Variants in ADAMTSL3 observed in about 807,000 individuals in gnomAD.
The protein encoded by ADAMTSL3 is ADAMTS-like protein 3.
Under a neutral mutation model 201.7 loss-of-function variants are expected in ADAMTSL3, and 128 were observed. The ratio of observed to expected loss-of-function variants is 0.63; its 90% confidence interval spans 0.55 to 0.73. The LOEUF (loss-of-function observed/expected upper bound fraction) is 0.73, where lower values mean the gene tolerates loss of function less well. Ranked by LOEUF, ADAMTSL3 falls within the 30% of genes least tolerant of loss-of-function variation. ADAMTSL3 has a pLI of 0.00. For synonymous variants in ADAMTSL3, 738 were observed against 748.4 expected (o/e 0.99, Z 0.23); for missense variants, 1,990 against 2,119.6 (o/e 0.94, Z 1.20).
chr15:83,670,895 G>A (rs1595999316), intron 2 of ADAMTSL3, among the ~76,000 whole-genome samples: 1 of 152,272 alleles, frequency 6.6e-6, no homozygotes, highest in East Asian at 1.9e-4. Flanking sequence ...TTTCCAGCAT[G>A]CTTAGTAATT....
intron 23 of ADAMTSL3, among the ~76,000 whole-genome samples, chr15:83,993,148 A>G (rs957410008): frequency 6.6e-6 from 1 of 152,220 alleles, no homozygotes; most frequent in African/African-American, 2.4e-5. Context: ...AGCCATACCT[A>G]ATGGAGTTTT....
intron 19 of ADAMTSL3, among the ~76,000 whole-genome samples, chr15:83,957,337 A>G (rs1230951810): frequency 1.3e-5 from 2 of 152,242 alleles, no homozygotes; most frequent in Admixed American, 6.5e-5. Flanking sequence ...ATTTATCCCT[A>G]CAGTCATTGA....
chr15:83,957,833 G>T (rs1246915081), intron 19 of ADAMTSL3, among the ~76,000 whole-genome samples: 5 of 152,170 alleles, frequency 3.3e-5, no homozygotes, highest in African/African-American at 1.2e-4. Flanking sequence ...CAACACATAT[G>T]TGGTAGTTGA....
rs1432748693 is a variant in ADAMTSL3 at position 83,970,474 on chromosome 15, C to T, written c.2491-10C>T. ...CTCCATTTGACTCTGTTGCACAACT[C>T]TCATTTCAGTGTTCTGTCAGTTGTG... On this transcript the variant is annotated splice_polypyrimidine_tract_variant and intron_variant, in intron 19 of 29. Coordinates refer to ENST00000286744, the MANE Select transcript of ADAMTSL3 (RefSeq NM_207517.3). 1 of 1,614,046 alleles carries T rather than the reference C, an allele frequency of 6.2e-7. No individual in the cohort carries two copies. The highest frequency in any genetic ancestry group is 1.1e-5 in the South Asian group (1 of 91,076).
chr15:83,901,155 C>T (rs928046185), intron 15 of ADAMTSL3, among the ~76,000 whole-genome samples: 4 of 152,104 alleles, frequency 2.6e-5, no homozygotes, highest in African/African-American at 9.7e-5. Context: ...GCTATGACCA[C>T]AGAAGAAACT....
intron 5 of ADAMTSL3, among the ~76,000 whole-genome samples, chr15:83,811,985 G>A (rs2063706102): frequency 6.6e-6 from 1 of 152,186 alleles, no homozygotes; most frequent in Non-Finnish European, 1.5e-5. Context: ...CCCAGCTTCA[G>A]TGTTGATAAT....
intron 2 of ADAMTSL3, among the ~76,000 whole-genome samples, chr15:83,680,587 T>C (rs2061465050): frequency 6.6e-6 from 1 of 151,798 alleles, no homozygotes; most frequent in South Asian, 2.1e-4. Flanking sequence ...TTTTAGTTTT[T>C]CTGTTCCCTT....
rs2064270963 is a variant in ADAMTSL3 at position 83,836,474 on chromosome 15, A to C, written c.601-1615A>C. Among the ~76,000 whole-genome samples, 8 of 152,256 alleles carry C rather than the reference A, an allele frequency of 5.3e-5. No individual in the cohort carries two copies. In the South Asian group the frequency reaches 1.7e-3, roughly 32 times the overall value. On this transcript the variant is annotated intron_variant, in intron 6 of 29. Coordinates refer to ENST00000286744, the MANE Select transcript of ADAMTSL3 (RefSeq NM_207517.3). The stretch of plus-strand genomic sequence containing the variant: ...CACTTGATCTTTCTCTTTCCCTTCA[A>C]CACCAAAATGTTGGAAAGAATTGTT...
intron 15 of ADAMTSL3, among the ~76,000 whole-genome samples, chr15:83,912,878 G>A (rs1567232035): frequency 1.3e-5 from 2 of 152,168 alleles, no homozygotes; most frequent in Non-Finnish European, 2.9e-5. Flanking sequence ...GTAGAATATA[G>A]TTTAGTGAAT....
chr15:83,890,326 G>A, intron 11 of ADAMTSL3, 79 bp downstream of exon 11: 1 of 1,520,540 alleles, frequency 6.6e-7, no homozygotes, highest in South Asian at 1.3e-5. Context: ...ATCTTTGCAG[G>A]GCAATACATT....
intron 3 of ADAMTSL3, chr15:83,739,971 C>G (rs1463491185): frequency 1.0e-5 from 5 of 487,080 alleles, no homozygotes; most frequent in Admixed American, 9.9e-5. Context: ...AGCATGTGAC[C>G]AGGGCAGTGT....
intron 15 of ADAMTSL3, among the ~76,000 whole-genome samples, chr15:83,908,213 G>A (rs1190391280): frequency 6.6e-6 from 1 of 152,168 alleles, no homozygotes; most frequent in Admixed American, 6.5e-5. Context: ...AGATGAGGCC[G>A]TGTACAATAA....
At chr15:83,740,899 A>G (rs1321651713) in intron 3 of ADAMTSL3, among the ~76,000 whole-genome samples, 1 of 152,182 alleles carries the variant, frequency 6.6e-6, no homozygotes, top group African/African-American at 2.4e-5. Context: ...TAAAAAATAC[A>G]GAAAAACTGG....
At chr15:83,816,415 C>T (rs1219493217) in intron 5 of ADAMTSL3, among the ~76,000 whole-genome samples, 1 of 152,202 alleles carries the variant, frequency 6.6e-6, no homozygotes, top group Admixed American at 6.5e-5. Flanking sequence ...GGCTGACATC[C>T]TAAGGTGTCT....
chr15:83,968,129 A>G (rs565840891), intron 19 of ADAMTSL3, among the ~76,000 whole-genome samples: 1 of 152,378 alleles, frequency 6.6e-6, no homozygotes, highest in East Asian at 1.9e-4. Flanking sequence ...ATGGGCAAAG[A>G]CTTCATGACT....
At chr15:83,888,924 T>G (rs2401171) in intron 10 of ADAMTSL3, among the ~76,000 whole-genome samples, 94,928 of 152,088 alleles carry the variant, frequency 0.62, 30,955 homozygotes, top group African/African-American at 0.8. Flanking sequence ...TTTTAGACCT[T>G]TAGACCAACT....
intron 20 of ADAMTSL3, among the ~76,000 whole-genome samples, chr15:83,971,407 A>C (rs2067191236): frequency 1.3e-5 from 2 of 152,012 alleles, no homozygotes; most frequent in South Asian, 2.1e-4. Flanking sequence ...AATACAAAAA[A>C]TTAGCCGGGC....
intron 3 of ADAMTSL3, among the ~76,000 whole-genome samples, chr15:83,742,569 G>T (rs2062474068): frequency 6.6e-6 from 1 of 152,136 alleles, no homozygotes; most frequent in South Asian, 2.1e-4. Context: ...CTTCTAATTA[G>T]TTCTACCAAG....
intron 6 of ADAMTSL3, among the ~76,000 whole-genome samples, chr15:83,837,129 A>G (rs2064289767): frequency 6.6e-6 from 1 of 152,106 alleles, no homozygotes; most frequent in Non-Finnish European, 1.5e-5. Flanking sequence ...ATAAACACGT[A>G]TTTTATATGA....
Sources: allele counts gnomAD v4.1 joint callset (sites outside exome capture counted in the v4.1 genomes callset), GRCh38; gene constraint gnomAD v4.1.1; transcripts MANE v1.5; gene names NCBI Gene and HGNC (gene_info 2026-07-23, HGNC 2026-07-21).